The following WNT2 variants were observed in gnomAD, a reference collection of about 807,000 sequenced individuals.
The protein encoded by WNT2 is protein Wnt-2.
Under a neutral mutation model 36.9 loss-of-function variants are expected in WNT2, and 12 were observed. The observed-to-expected ratio is 0.33, with a 90% CI of 0.21 to 0.53. The LOEUF (loss-of-function observed/expected upper bound fraction) is 0.53, where lower values mean the gene tolerates loss of function less well. Ranked by LOEUF, WNT2 falls within the 20% of genes least tolerant of loss-of-function variation. WNT2 has a pLI of 0.95. For missense variants in WNT2, 379 were observed against 473.1 expected (o/e 0.80, Z 1.84); for synonymous variants, 163 against 174.6 (o/e 0.93, Z 0.52).
Position 117,297,740 on chromosome 7 carries a change from A to G in WNT2, c.725T>C (p.Ile242Thr), listed in dbSNP as rs1794820772. 6.2e-7 allele frequency: 1 copy of G among 1,614,154 alleles called. No homozygotes were observed. The highest frequency in any genetic ancestry group is 1.6e-4 in the Middle Eastern group (1 of 6,062). Residue 242 changes from isoleucine (I) to threonine (T), a missense_variant, in exon 4 of 5, where the codon ATC (isoleucine) becomes ACC (threonine). Transcript: ENST00000265441. The part of the protein sequence containing the change: ...DYLWRKYNGA[I>T]QVVMNQDGTG... ...GCCATCCTGGTTCATGACCACCTGG[A>G]TGGCCCCATTGTACTTCCTCCAGAG... is the stretch of plus-strand genomic sequence containing the variant.
intron 3 of WNT2, among the ~76,000 whole-genome samples, chr7:117,298,914 C>T (rs1794847046): frequency 6.6e-6 from 1 of 152,200 alleles, no homozygotes; most frequent in Non-Finnish European, 1.5e-5. Flanking sequence ...AGAATTCACT[C>T]CCACTCTCCC....
chr7:117,315,745 T>C (rs554212224), intron 2 of WNT2, among the ~76,000 whole-genome samples: 1 of 152,382 alleles, frequency 6.6e-6, no homozygotes, highest in South Asian at 2.1e-4. Flanking sequence ...GCTACAATTC[T>C]ATCATTCCAC....
At chr7:117,304,046 G>A (rs1165632483) in intron 3 of WNT2, among the ~76,000 whole-genome samples, 2 of 152,202 alleles carry the variant, frequency 1.3e-5, no homozygotes, top group Non-Finnish European at 1.5e-5. Context: ...CTCTTTTGAT[G>A]TATTCCTCCT....
At chr7:117,297,939 C>A in intron 3 of WNT2, 63 bp from the exon 4 acceptor site, 1 of 1,533,874 alleles carries the variant, frequency 6.5e-7, no homozygotes, top group South Asian at 1.3e-5. Context: ...CTCCAACTCT[C>A]CTTACCTCCC....
At chr7:117,320,942 T>C (rs1328357441) in intron 1 of WNT2, 149 bp from the exon 2 acceptor site, 2 of 761,380 alleles carry the variant, frequency 2.6e-6, no homozygotes, top group African/African-American at 1.7e-5. Context: ...GTATTTACTT[T>C]TTAATTTAGT....
intron 3 of WNT2, among the ~76,000 whole-genome samples, chr7:117,307,884 C>T (rs1302162720): frequency 6.6e-6 from 1 of 152,142 alleles, no homozygotes; most frequent in Non-Finnish European, 1.5e-5. Flanking sequence ...TTTTAGGTCC[C>T]CATATACTGT....
At chr7:117,297,487 G>A in intron 4 of WNT2, 125 bp downstream of exon 4, 2 of 1,272,294 alleles carry the variant, frequency 1.6e-6, no homozygotes, top group Non-Finnish European at 1.1e-6. Flanking sequence ...GTTTCAATAA[G>A]AATGATAAGG....
intron 4 of WNT2, among the ~76,000 whole-genome samples, chr7:117,282,364 GAGAA>G (rs1199956615): frequency 3.3e-5 from 5 of 151,544 alleles, no homozygotes; most frequent in African/African-American, 1.2e-4. Context: ...GGGGAGGGAG[GAGAA>G]AGAAGGGGAA....
Position 117,320,584 on chromosome 7 carries a change from C to A in WNT2, c.293G>T (p.Gly98Val), listed in dbSNP as rs774702044. ...AGACTTACTTCGGAGTAGGACCCTG[C>A]CAAAAAGGCTGTGATCCCTGTCCAG... ...NTLDRDHSLF[G>V]RVLLRSSRES... The change falls in exon 2 of 5, where the codon GGC becomes GTC. Residue 98 changes from glycine (G) to valine (V), a missense_variant. By Grantham distance (109) the Gly-to-Val change is moderately radical. Transcript: ENST00000265441. 17 of 1,613,454 alleles carry A rather than the reference C, an allele frequency of 1.1e-5. No homozygotes were observed. Among genetic ancestry groups the A allele is most frequent in the Non-Finnish European group, 1.4e-5 (17 of 1,179,848 alleles).
At chr7:117,316,480 C>A (rs187685565) in intron 2 of WNT2, among the ~76,000 whole-genome samples, 1 of 152,298 alleles carries the variant, frequency 6.6e-6, no homozygotes, top group East Asian at 1.9e-4. Flanking sequence ...AAACAGAGAA[C>A]CATTTGGTGA....
At chr7:117,308,456 G>C (rs1795057735) in intron 3 of WNT2, among the ~76,000 whole-genome samples, 1 of 152,126 alleles carries the variant, frequency 6.6e-6, no homozygotes, top group African/African-American at 2.4e-5. Flanking sequence ...CAACAATTTT[G>C]TTAAGAGTTA....
At chr7:117,321,055 A>C (rs536867224) in intron 1 of WNT2, among the ~76,000 whole-genome samples, 2 of 152,322 alleles carry the variant, frequency 1.3e-5, no homozygotes, top group South Asian at 4.1e-4. Flanking sequence ...GGTCTACCAG[A>C]TGATGCTCTG....
At chr7:117,291,732 T>C (rs1433833790) in intron 4 of WNT2, among the ~76,000 whole-genome samples, 1 of 152,200 alleles carries the variant, frequency 6.6e-6, no homozygotes, top group African/African-American at 2.4e-5. Flanking sequence ...GCTGTTGTTC[T>C]TGCCATAATA....
rs1386482548 is a variant in WNT2, at chr7:117,323,035, G to T, written c.-46C>A. On this transcript the variant is annotated 5_prime_UTR_variant, in exon 1 of 5. Transcript: ENST00000265441. ...ATCAGGTCAGACTCCGTGTGCGGGC[G>T]CCATGCGTGCCCAGAGCAGAAGCGC... is the stretch of plus-strand genomic sequence containing the variant. 1.3e-6 allele frequency: 2 copies of T among 1,539,810 alleles called. No homozygotes were observed. The highest frequency in any genetic ancestry group is 2.4e-5 in the South Asian group (2 of 84,134).
At chr7:117,317,470 T>A (rs1221881172) in intron 2 of WNT2, among the ~76,000 whole-genome samples, 2 of 151,474 alleles carry the variant, frequency 1.3e-5, no homozygotes, top group Non-Finnish European at 2.9e-5. Context: ...CATTGACTGG[T>A]TTTTCATTTT....
In WNT2 at chr7:117,280,287, T is replaced by TA. The variant is rs372445355; in HGVS notation, c.854-1904dup. On this transcript the variant is annotated intron_variant, in intron 4 of 4. Transcript: ENST00000265441. ...AGCCATCAGGACAGTCCTCAAAATT[T>TA]ACTGATTATGCAGAAAGGACTCACT... Among the ~76,000 whole-genome samples the TA allele has an allele frequency of 3.7e-4, 57 of 152,280 alleles. No individual in the cohort carries two copies. In the East Asian group the frequency reaches 6.2e-3, roughly 16 times the overall value.
chr7:117,293,418 G>A (rs917621204), intron 4 of WNT2, among the ~76,000 whole-genome samples: 2 of 151,966 alleles, frequency 1.3e-5, no homozygotes, highest in Non-Finnish European at 2.9e-5. Context: ...AGTAGAAGGC[G>A]CCCACTAAGT....
chr7:117,301,782 G>A (rs1446928052), intron 3 of WNT2, among the ~76,000 whole-genome samples: 1 of 148,508 alleles, frequency 6.7e-6, no homozygotes, highest in Non-Finnish European at 1.5e-5. Flanking sequence ...TTTGAATTAT[G>A]CATTCTGTTT....
chr7:117,297,220 C>T (rs1429108046), intron 4 of WNT2, among the ~76,000 whole-genome samples: 1 of 152,144 alleles, frequency 6.6e-6, no homozygotes, highest in Non-Finnish European at 1.5e-5. Flanking sequence ...GGAGAGCTCT[C>T]TGTGCAGTTT....
Sources: allele counts gnomAD v4.1 joint callset (sites outside exome capture counted in the v4.1 genomes callset), GRCh38; gene constraint gnomAD v4.1.1; transcripts MANE v1.5; gene names NCBI Gene and HGNC (gene_info 2026-07-23, HGNC 2026-07-21).